The following PRKG1 variants were observed in gnomAD, a reference collection of about 807,000 sequenced individuals.
PRKG1 encodes cGMP-dependent protein kinase 1.
A neutral mutation model predicts 88.1 loss-of-function variants in PRKG1; 35 were observed. The observed-to-expected ratio is 0.40, with a 90% CI of 0.30 to 0.53. The LOEUF (loss-of-function observed/expected upper bound fraction) is 0.53, where lower values mean the gene tolerates loss of function less well. PRKG1 is among the 20% of genes least tolerant of loss of function. PRKG1 has a pLI of 0.59. For synonymous variants in PRKG1, 303 were observed against 292.5 expected (o/e 1.04, Z -0.37); for missense variants, 540 against 839.8 (o/e 0.64, Z 4.41).
chr10:51,758,601 T>C (rs1243294284), intron 3 of PRKG1, among the ~76,000 whole-genome samples: 1 of 152,128 alleles, frequency 6.6e-6, no homozygotes, highest in Non-Finnish European at 1.5e-5. Context: ...CCAGGTGACA[T>C]CATCACATAT....
intron 2 of PRKG1, among the ~76,000 whole-genome samples, chr10:51,322,384 C>T (rs995368800): frequency 6.6e-6 from 1 of 152,128 alleles, no homozygotes; most frequent in African/African-American, 2.4e-5. Context: ...ACATGAGACC[C>T]GTCTCTAGAT....
chr10:51,189,465 A>G (rs890798966), intron 2 of PRKG1, among the ~76,000 whole-genome samples: 2 of 151,860 alleles, frequency 1.3e-5, no homozygotes, highest in Non-Finnish European at 2.9e-5. Context: ...CCTATGAGCA[A>G]ATAAGGTGGT....
rs535273103 is a variant in PRKG1 at position 52,293,761 on chromosome 10, TA to T, written c.1963-33del. 458 of 1,524,098 alleles carry T rather than the reference TA, an allele frequency of 3.0e-4. No individual in the cohort carries two copies. In the African/African-American group the frequency reaches 5.2e-3, roughly 17 times the overall value. 94.4% of individuals were successfully genotyped at this position (1,524,098 alleles called of 1,614,324 possible). ...TAAAAATTCCAGCTTGGAATTCCACTAAAAAAAATCCACTAAAAAAAACCTG... is the reference window on the plus strand; with the variant it reads ...TAAAAATTCCAGCTTGGAATTCCACTAAAAAAATCCACTAAAAAAAACCTG... On this transcript the variant is annotated intron_variant, in intron 17 of 17. Transcript: ENST00000373980.
At chr10:51,282,137 G>C (rs967832905) in intron 2 of PRKG1, among the ~76,000 whole-genome samples, 70 of 151,792 alleles carry the variant, frequency 4.6e-4, no homozygotes, top group African/African-American at 1.5e-3. Flanking sequence ...ATGCTTTGAC[G>C]TTGGAGGACA....
chr10:52,232,685 C>T lies in PRKG1; in HGVS notation c.1077-18885C>T, dbSNP rs549446673. On this transcript the variant is annotated intron_variant, in intron 9 of 17. Coordinates refer to ENST00000373980, the MANE Select transcript of PRKG1 (RefSeq NM_006258.4). ...ACAAGTACTACAGAAATGAAGATACCGTGTGACTACTTCTGCTTCTGTTCA... is the reference window on the plus strand; with the variant it reads ...ACAAGTACTACAGAAATGAAGATACTGTGTGACTACTTCTGCTTCTGTTCA... 3.9e-5 allele frequency among the ~76,000 whole-genome samples: 6 copies of T among 152,226 alleles called. No homozygotes were observed. The South Asian group carries it at 8.3e-4, about 21-fold the overall frequency.
chr10:51,272,727 G>A (rs1303405700), intron 2 of PRKG1, among the ~76,000 whole-genome samples: 2 of 152,118 alleles, frequency 1.3e-5, no homozygotes, highest in African/African-American at 2.4e-5. Context: ...AAATCTCAAA[G>A]GATGCAGCCC....
At chr10:51,307,744 T>C (rs1041934416) in intron 2 of PRKG1, among the ~76,000 whole-genome samples, 2 of 152,190 alleles carry the variant, frequency 1.3e-5, no homozygotes, top group Non-Finnish European at 2.9e-5. Flanking sequence ...ATATATTCTA[T>C]ATTATTTATA....
chr10:51,571,386 G>A (rs1240699799), intron 3 of PRKG1, among the ~76,000 whole-genome samples: 2 of 151,732 alleles, frequency 1.3e-5, no homozygotes, highest in Non-Finnish European at 2.9e-5. Flanking sequence ...AATAATACTT[G>A]TCTTGGCTAT....
rs558955108 is a variant in PRKG1 at position 51,282,229 on chromosome 10, A to G, written c.478+128899A>G. ...AGATGTTGGTTAAGTTCAACAGAGT[A>G]GAAAATATGACAGGAATATGGCTTA... is the stretch of plus-strand genomic sequence containing the variant. On this transcript the variant is annotated intron_variant, in intron 2 of 17. Transcript: ENST00000373980. Among the ~76,000 whole-genome samples, 65 of 152,310 alleles carry G rather than the reference A, an allele frequency of 4.3e-4. 1 individual carries two copies. The highest frequency in any genetic ancestry group is 4.1e-4 in the Non-Finnish European group (28 of 68,022).
chr10:52,028,361 A>G (rs1384584292), intron 5 of PRKG1, among the ~76,000 whole-genome samples: 1 of 152,100 alleles, frequency 6.6e-6, no homozygotes, highest in Non-Finnish European at 1.5e-5. Context: ...ACTTCCAACA[A>G]GATTTATGTG....
At chr10:51,644,479 T>C (rs1839871038) in intron 3 of PRKG1, among the ~76,000 whole-genome samples, 1 of 152,214 alleles carries the variant, frequency 6.6e-6, no homozygotes, top group African/African-American at 2.4e-5. Context: ...AATAATTTTG[T>C]ATGTTTTAAT....
chr10:51,953,795 A>G (rs1057436749), intron 5 of PRKG1, among the ~76,000 whole-genome samples: 6 of 151,998 alleles, frequency 3.9e-5, no homozygotes, highest in Non-Finnish European at 7.4e-5. Context: ...TTTGGCCATT[A>G]TTTATTTCAA....
chr10:51,773,469 T>G (rs1369220616), intron 3 of PRKG1, among the ~76,000 whole-genome samples: 2 of 152,034 alleles, frequency 1.3e-5, no homozygotes, highest in Non-Finnish European at 2.9e-5. Flanking sequence ...ACTGTAATTG[T>G]ATCTTTCTGC....
chr10:51,706,089 A>G (rs1391319393), intron 3 of PRKG1, among the ~76,000 whole-genome samples: 3 of 152,212 alleles, frequency 2.0e-5, no homozygotes, highest in Non-Finnish European at 4.4e-5. Flanking sequence ...AATAGAGAAA[A>G]TGTTTCCTTT....
intron 9 of PRKG1, among the ~76,000 whole-genome samples, chr10:52,209,579 T>G (rs1357100975): frequency 4.6e-5 from 7 of 152,162 alleles, no homozygotes; most frequent in African/African-American, 1.7e-4. Flanking sequence ...TTAGAACCTT[T>G]TTTCACAAAA....
chr10:51,808,143 C>G (rs912971951), intron 4 of PRKG1, among the ~76,000 whole-genome samples: 6 of 152,124 alleles, frequency 3.9e-5, no homozygotes, highest in Admixed American at 3.9e-4. Flanking sequence ...TTCAGAATTA[C>G]TTTTATCTCC....
At chr10:51,373,368 T>G (rs1204320527) in intron 2 of PRKG1, among the ~76,000 whole-genome samples, 1 of 152,196 alleles carries the variant, frequency 6.6e-6, no homozygotes, top group Non-Finnish European at 1.5e-5. Flanking sequence ...GGATAGAGTC[T>G]CACCTAAGGT....
At chr10:51,330,275 C>G (rs1054872848) in intron 2 of PRKG1, among the ~76,000 whole-genome samples, 1 of 151,574 alleles carries the variant, frequency 6.6e-6, no homozygotes, top group Non-Finnish European at 1.5e-5. Context: ...CTCAGCCTCC[C>G]GAGTAGCTGG....
chr10:51,151,555 A>ATGTTTT (rs984041954), intron 1 of PRKG1, among the ~76,000 whole-genome samples: 1 of 129,820 alleles, frequency 7.7e-6, no homozygotes, highest in Non-Finnish European at 1.6e-5. Flanking sequence ...TTCAAAACCT[A>ATGTTTT]TGTTTTTGTT....
Sources: allele counts gnomAD v4.1 joint callset (sites outside exome capture counted in the v4.1 genomes callset), GRCh38; gene constraint gnomAD v4.1.1; transcripts MANE v1.5; gene names NCBI Gene and HGNC (gene_info 2026-07-23, HGNC 2026-07-21).